The following FOXN2 variants were observed in gnomAD, a reference collection of about 807,000 sequenced individuals.
FOXN2 encodes forkhead box protein N2.
A neutral mutation model predicts 41.2 loss-of-function variants in FOXN2; 19 were observed. That is an observed-to-expected ratio of 0.46 (90% CI 0.32 to 0.68). The LOEUF is 0.68. Ranked by LOEUF, FOXN2 falls within the 30% of genes least tolerant of loss-of-function variation. The pLI is 0.03. For synonymous variants in FOXN2, 195 were observed against 176.8 expected (o/e 1.10, Z -0.82); for missense variants, 587 against 509.4 (o/e 1.15, Z -1.47).
At chr2:48,372,866 A>G (rs1039793845) in intron 5 of FOXN2, among the ~76,000 whole-genome samples, 1 of 152,034 alleles carries the variant, frequency 6.6e-6, no homozygotes, top group Non-Finnish European at 1.5e-5. Flanking sequence ...TGTAATTAAC[A>G]TAGTACTTCA....
At chr2:48,316,682 TAAA>T (rs755476641) in intron 1 of FOXN2, among the ~76,000 whole-genome samples, 10 of 152,196 alleles carry the variant, frequency 6.6e-5, no homozygotes, top group Non-Finnish European at 1.0e-4. Context: ...GAGTTGAAGA[TAAA>T]AAATGAACTT....
intron 2 of FOXN2, among the ~76,000 whole-genome samples, chr2:48,338,867 C>A (rs1670546766): frequency 6.6e-6 from 1 of 151,896 alleles, no homozygotes; most frequent in Non-Finnish European, 1.5e-5. Context: ...TAAATTCTAC[C>A]ATATGAAAGT....
At position 48,376,467 on chromosome 2, in the gene FOXN2, A is replaced by G. The variant is rs1013429754; in HGVS notation, c.*1024A>G. ...TCCAAGCTTTGTATGAATTAAATTC[A>G]TAAGTATACCAAATTAAATCTTAAT... On this transcript the variant is annotated 3_prime_UTR_variant, in exon 7 of 7. Coordinates refer to ENST00000340553, the MANE Select transcript of FOXN2 (RefSeq NM_002158.4). 1.0e-4 allele frequency: 16 copies of G among 152,518 alleles called. No individual in the cohort carries two copies. Among genetic ancestry groups the G allele is most frequent in the African/African-American group, 2.9e-4 (12 of 41,450 alleles). 9.4% of individuals were successfully genotyped at this position (152,518 alleles called of 1,614,324 possible). A position where few individuals can be genotyped will look rare whatever the true frequency, so the allele number is the denominator to read the frequency against.
At chr2:48,369,174 A>G (rs1056910155) in intron 5 of FOXN2, among the ~76,000 whole-genome samples, 7 of 152,254 alleles carry the variant, frequency 4.6e-5, no homozygotes, top group African/African-American at 1.7e-4. Flanking sequence ...TATCAGGATA[A>G]GCCTCTTACC....
At chr2:48,330,756 CTTAAA>C (rs140583395) in intron 2 of FOXN2, among the ~76,000 whole-genome samples, 15,608 of 152,046 alleles carry the variant, frequency 0.1, 1,084 homozygotes, top group South Asian at 0.2. Context: ...AGATAGTAAA[CTTAAA>C]TTAAGTGTAA....
intron 5 of FOXN2, among the ~76,000 whole-genome samples, chr2:48,371,833 G>C (rs1355963487): frequency 6.6e-6 from 1 of 152,012 alleles, no homozygotes; most frequent in Non-Finnish European, 1.5e-5. Context: ...TTCTTTTTCA[G>C]CTAGTTTGTT....
intron 2 of FOXN2, among the ~76,000 whole-genome samples, chr2:48,331,004 C>A (rs747082608): frequency 3.2e-4 from 48 of 152,144 alleles, no homozygotes; most frequent in Non-Finnish European, 8.8e-5. Context: ...GTTTCAACTT[C>A]TTTCCAGTTC....
chr2:48,339,414 G>T (rs1490780024), intron 2 of FOXN2, among the ~76,000 whole-genome samples: 2 of 152,096 alleles, frequency 1.3e-5, no homozygotes, highest in Non-Finnish European at 2.9e-5. Context: ...TCCCCAGTTT[G>T]CTCAGCACTT....
At chr2:48,316,948 TTAAA>T (rs1668956523) in intron 1 of FOXN2, among the ~76,000 whole-genome samples, 1 of 5,686 alleles carries the variant, frequency 1.8e-4, no homozygotes, top group African/African-American at 2.1e-3. Context: ...ATCAGAAAAG[TTAAA>T]TAAAGATATT....
chr2:48,322,773 A>C (rs916060332), intron 1 of FOXN2, among the ~76,000 whole-genome samples: 1 of 148,538 alleles, frequency 6.7e-6, no homozygotes, highest in South Asian at 2.1e-4. Context: ...TATATAATAC[A>C]ATATATATAT....
In FOXN2 at chr2:48,375,400, T is replaced by C; in HGVS notation, c.1253T>C (p.Ile418Thr). The change falls in exon 7 of 7, where the codon ATA becomes ACA. Residue 418 changes from isoleucine to threonine, a missense_variant. Physicochemically the swap from Ile to Thr is moderately conservative, Grantham distance 89 (BLOSUM62 -1). Coordinates refer to ENST00000340553, the MANE Select transcript of FOXN2 (RefSeq NM_002158.4). ...ATTCGTACATGTTTAGGTTCCCTAA[T>C]AAGTACTGCAAAGACACAAAATCAA... The part of the protein sequence containing the change: ...AGIRTCLGSL[I>T]STAKTQNQKQ... 6.2e-7 allele frequency: 1 copy of C among 1,613,402 alleles called. No individual in the cohort carries two copies. Among genetic ancestry groups the C allele is most frequent in the Non-Finnish European group, 8.5e-7 (1 of 1,179,770 alleles).
chr2:48,353,387 T>C (rs574102262), intron 3 of FOXN2, among the ~76,000 whole-genome samples: 4 of 152,326 alleles, frequency 2.6e-5, no homozygotes, highest in African/African-American at 9.6e-5. Flanking sequence ...AGAAGTCACC[T>C]CTCAAGCATT....
intron 3 of FOXN2, among the ~76,000 whole-genome samples, chr2:48,354,716 A>G (rs987070318): frequency 6.6e-6 from 1 of 152,264 alleles, no homozygotes; most frequent in African/African-American, 2.4e-5. Context: ...GTATACCATT[A>G]TAGAAGAAAC....
At chr2:48,356,536 A>G (rs1370254816) in intron 3 of FOXN2, among the ~76,000 whole-genome samples, 1 of 152,204 alleles carries the variant, frequency 6.6e-6, no homozygotes, top group Non-Finnish European at 1.5e-5. Context: ...TAGCTGGGAA[A>G]CATGGAATTA....
chr2:48,317,530 T>A (rs1188081222), intron 1 of FOXN2, among the ~76,000 whole-genome samples: 1 of 150,826 alleles, frequency 6.6e-6, no homozygotes, highest in Non-Finnish European at 1.5e-5. Flanking sequence ...AGCATTTGGT[T>A]TGGTCACATG....
chr2:48,328,650 A>G lies in FOXN2; in HGVS notation c.-67A>G, dbSNP rs1669837031. On this transcript the variant is annotated 5_prime_UTR_variant, in exon 2 of 7. Transcript: ENST00000340553. ...AAACCAAACTGCTGGTTGGCTAATA[A>G]TTGGTCACTGTATGACTTATAGTAC... 6.6e-6 allele frequency: 1 copy of G among 152,200 alleles called. No individual in the cohort carries two copies. The highest frequency in any genetic ancestry group is 2.4e-5 in the African/African-American group (1 of 41,436). The allele number at this position is 152,200 out of a possible 1,614,324, so 9.4% of individuals were successfully genotyped here.
At chr2:48,367,091 G>A (rs1672583039) in intron 5 of FOXN2, among the ~76,000 whole-genome samples, 1 of 152,114 alleles carries the variant, frequency 6.6e-6, no homozygotes, top group South Asian at 2.1e-4. Context: ...CAGTGTGTTT[G>A]TTGTCTCTTG....
intron 3 of FOXN2, among the ~76,000 whole-genome samples, chr2:48,358,240 A>G (rs1314899024): frequency 1.3e-5 from 2 of 152,086 alleles, no homozygotes; most frequent in Non-Finnish European, 2.9e-5. Context: ...CTATTATTCA[A>G]CCAACATGCA....
chr2:48,335,256 A>G (rs2104270633), intron 2 of FOXN2, among the ~76,000 whole-genome samples: 2 of 152,366 alleles, frequency 1.3e-5, no homozygotes, highest in East Asian at 3.8e-4. Flanking sequence ...AAACATGTTG[A>G]AAAGGAACCA....
Sources: gnomAD v4.1 joint callset for allele counts (sites outside exome capture counted in the v4.1 genomes callset) on GRCh38, gnomAD v4.1.1 for gene constraint, MANE v1.5 for transcripts, NCBI Gene and HGNC (gene_info 2026-07-23, HGNC 2026-07-21) for gene names.